EXOC2: variants seen among roughly 807,000 people sequenced by gnomAD.
EXOC2 encodes the protein SEC5-like 1.
EXOC2 carries 70 observed loss-of-function variants against 131.8 expected under a neutral mutation model. The observed-to-expected ratio is 0.53, with a 90% CI of 0.44 to 0.65. The LOEUF (loss-of-function observed/expected upper bound fraction) is 0.65. EXOC2 is among the 30% of genes least tolerant of loss of function. The pLI, the probability that EXOC2 is intolerant of heterozygous loss-of-function variation, is 0.00. For synonymous variants in EXOC2, 411 were observed against 398.4 expected (o/e 1.03, Z -0.38); for missense variants, 923 against 1,108.6 (o/e 0.83, Z 2.38).
intron 11 of EXOC2, among the ~76,000 whole-genome samples, chr6:589,170 C>T (rs1488506394): frequency 4.6e-5 from 7 of 152,224 alleles, no homozygotes; most frequent in Admixed American, 6.5e-5. Flanking sequence ...ATGGTGACTG[C>T]ATTCATCACC....
At chr6:656,516 C>T (rs767973630) in intron 1 of EXOC2, 2 of 1,605,612 alleles carry the variant, frequency 1.2e-6, no homozygotes, top group Non-Finnish European at 1.7e-6. Context: ...GCAGGCAGTC[C>T]CGCCACACTC....
intron 3 of EXOC2, among the ~76,000 whole-genome samples, chr6:630,666 A>T (rs1241891762): frequency 6.6e-6 from 1 of 152,176 alleles, no homozygotes; most frequent in East Asian, 1.9e-4. Context: ...AAACTCTGGC[A>T]TGTTTTCATG....
At chr6:621,132 A>G (rs1298756473) in intron 4 of EXOC2, among the ~76,000 whole-genome samples, 3 of 151,996 alleles carry the variant, frequency 2.0e-5, no homozygotes, top group African/African-American at 7.3e-5. Flanking sequence ...CCTGGAGCCC[A>G]CTCTCTCTAG....
chr6:598,343 A>G (rs1220741644), intron 9 of EXOC2, among the ~76,000 whole-genome samples: 1 of 152,206 alleles, frequency 6.6e-6, no homozygotes, highest in African/African-American at 2.4e-5. Context: ...ATTTCACTGC[A>G]TGTATATTTT....
chr6:689,789 T>C (rs1317989807), intron 1 of EXOC2, among the ~76,000 whole-genome samples: 1 of 152,234 alleles, frequency 6.6e-6, no homozygotes. Context: ...CTGGTGTATG[T>C]AAACACCATT....
chr6:523,473 T>C, intron 23 of EXOC2, among the ~76,000 whole-genome samples: 1 of 152,256 alleles, frequency 6.6e-6, no homozygotes, highest in Admixed American at 6.5e-5. Flanking sequence ...TTGTTGACTT[T>C]ATGAATGAAA....
rs573351849 is a variant in EXOC2, at chr6:640,187, G to C, written c.-43-2326C>G. ...TTCAGGGAGGAAACTGAAGGCAAAT[G>C]TGTTCTTCTTTGGTTGGTCTAGTTT... On this transcript the variant is annotated intron_variant, in intron 1 of 27. Transcript: ENST00000230449. 2.6e-4 allele frequency among the ~76,000 whole-genome samples: 40 copies of C among 152,306 alleles called. 2 individuals carry two copies. The South Asian group carries it at 8.3e-3, about 32-fold the overall frequency.
chr6:494,658 T>A lies in EXOC2; in HGVS notation c.2559+2709A>T, dbSNP rs1286243040. Among the ~76,000 whole-genome samples, 4 of 152,176 alleles carry A rather than the reference T, an allele frequency of 2.6e-5. No individual in the cohort carries two copies. In the East Asian group the frequency reaches 7.7e-4, roughly 29 times the overall value. Reference sequence around the variant, plus strand: ...GAGTTTCTCATCACAGTTAGTTTTATTTGTTCTAGAACTTCATGTAAATGA... The same window carrying A: ...GAGTTTCTCATCACAGTTAGTTTTAATTGTTCTAGAACTTCATGTAAATGA... On this transcript the variant is annotated intron_variant, in intron 25 of 27. Coordinates refer to ENST00000230449, the MANE Select transcript of EXOC2 (RefSeq NM_018303.6).
At chr6:677,589 C>T (rs547776975) in intron 1 of EXOC2, among the ~76,000 whole-genome samples, 12 of 152,188 alleles carry the variant, frequency 7.9e-5, no homozygotes, top group African/African-American at 2.9e-4. Context: ...CTGCCTCAGC[C>T]TCCTGAGTAG....
chr6:559,801 G>C (rs1173289408), intron 17 of EXOC2, among the ~76,000 whole-genome samples: 1 of 152,232 alleles, frequency 6.6e-6, no homozygotes, highest in Non-Finnish European at 1.5e-5. Context: ...CTGACCTGAA[G>C]AAGGACCTGA....
chr6:489,650 A>G (rs1257718757), intron 26 of EXOC2, among the ~76,000 whole-genome samples: 1 of 152,266 alleles, frequency 6.6e-6, no homozygotes, highest in East Asian at 1.9e-4. Context: ...TAGAAAAATT[A>G]CCAAACCAAA....
chr6:692,307 T>A (rs1764965727), intron 1 of EXOC2, among the ~76,000 whole-genome samples: 1 of 152,234 alleles, frequency 6.6e-6, no homozygotes. Context: ...CAAGAACTAT[T>A]TCTCGGAATT....
At chr6:668,301 T>C (rs959989669) in intron 1 of EXOC2, among the ~76,000 whole-genome samples, 6 of 152,202 alleles carry the variant, frequency 3.9e-5, no homozygotes, top group African/African-American at 1.4e-4. Flanking sequence ...AGTCCCCTCA[T>C]TGTCTCCCAC....
chr6:567,739 G>A (rs1179057109), intron 13 of EXOC2, among the ~76,000 whole-genome samples: 1 of 152,198 alleles, frequency 6.6e-6, no homozygotes, highest in African/African-American at 2.4e-5. Context: ...ATGCATGTGT[G>A]TCTCAGTACC....
chr6:628,388 T>G (rs971227898), intron 4 of EXOC2, among the ~76,000 whole-genome samples: 1 of 152,200 alleles, frequency 6.6e-6, no homozygotes, highest in African/African-American at 2.4e-5. Context: ...TTAGGAACAC[T>G]GCTGTTAGAC....
In EXOC2 at chr6:485,766, A is replaced by G. The variant is rs1160407378; in HGVS notation, c.*905T>C. 1 of 152,258 alleles carries G rather than the reference A, an allele frequency of 6.6e-6. No homozygotes were observed. Among genetic ancestry groups the G allele is most frequent in the East Asian group, 1.9e-4 (1 of 5,198 alleles). The allele number at this position is 152,258 out of a possible 1,614,324, so 9.4% of individuals were successfully genotyped here. ...AGCATTGTTCCAGCTACTGAGCAAGATCCTTCAGCAGGTAAGAAGTGGCAG... is the reference window on the plus strand; with the variant it reads ...AGCATTGTTCCAGCTACTGAGCAAGGTCCTTCAGCAGGTAAGAAGTGGCAG... On this transcript the variant is annotated 3_prime_UTR_variant, in exon 28 of 28. Transcript: ENST00000230449.
rs761990601 is a variant in EXOC2, at chr6:564,052, C to T, written c.1770G>A (p.Thr590=). 2.5e-5 allele frequency: 41 copies of T among 1,613,970 alleles called. 2 individuals are homozygous for T. In the South Asian group the frequency reaches 2.7e-4, roughly 11 times the overall value. Reference sequence around the variant, plus strand: ...ACACACCTTCCGCCGTGTGCTGCAACGTGGCCATTACGCAACGTACTCGGA... The same window carrying T: ...ACACACCTTCCGCCGTGTGCTGCAATGTGGCCATTACGCAACGTACTCGGA... ...LDLRVRCVMA[T]LQHTAEEIKR... is the part of the protein sequence containing the mutation. Residue 590 remains threonine (T), a synonymous_variant, in exon 16 of 28, where the codon ACG becomes ACA. Transcript: ENST00000230449.
chr6:543,135 A>G (rs1756650018), intron 22 of EXOC2, among the ~76,000 whole-genome samples: 1 of 152,254 alleles, frequency 6.6e-6, no homozygotes, highest in Non-Finnish European at 1.5e-5. Context: ...AGAGAGGTAG[A>G]GAAGGATTTG....
At chr6:602,716 T>C (rs932813483) in intron 7 of EXOC2, among the ~76,000 whole-genome samples, 2 of 152,184 alleles carry the variant, frequency 1.3e-5, no homozygotes, top group African/African-American at 4.8e-5. Context: ...CCAGTGAATT[T>C]GGACAATGCC....
Sources: allele counts gnomAD v4.1 joint callset (sites outside exome capture counted in the v4.1 genomes callset), GRCh38; gene constraint gnomAD v4.1.1; transcripts MANE v1.5; gene names NCBI Gene and HGNC (gene_info 2026-07-23, HGNC 2026-07-21).